The following FSHR variants were observed in gnomAD, a reference collection of about 807,000 sequenced individuals.
FSHR encodes the protein follicle stimulating hormone receptor, also known as follicle-stimulating hormone receptor.
FSHR carries 46 observed loss-of-function variants against 52.1 expected under a neutral mutation model. The ratio of observed to expected loss-of-function variants is 0.88; its 90% CI spans 0.70 to 1.13. FSHR has a LOEUF of 1.13. Ranked by LOEUF, FSHR falls within the 50% of genes most tolerant of loss-of-function variation. FSHR has a pLI of 0.00. For missense variants in FSHR, 964 were observed against 834.6 expected (o/e 1.16, Z -1.91); for synonymous variants, 399 against 309.6 (o/e 1.29, Z -3.03).
intron 2 of FSHR, among the ~76,000 whole-genome samples, chr2:49,038,675 G>A (rs1668381689): frequency 6.9e-6 from 1 of 144,814 alleles, no homozygotes; most frequent in Admixed American, 6.9e-5. Context: ...TAATAATACT[G>A]GTTTAGGGGA....
At chr2:49,098,714 A>G (rs1220808151) in intron 1 of FSHR, among the ~76,000 whole-genome samples, 1 of 147,794 alleles carries the variant, frequency 6.8e-6, no homozygotes, top group Non-Finnish European at 1.5e-5. Context: ...ATCTATATAT[A>G]TTATCCATAT....
chr2:49,136,974 C>T (rs1672510987), intron 1 of FSHR, among the ~76,000 whole-genome samples: 1 of 152,120 alleles, frequency 6.6e-6, no homozygotes, highest in South Asian at 2.1e-4. Flanking sequence ...TGCACTCCCA[C>T]TACTTCCATT....
chr2:49,064,058 G>C (rs1022775415), intron 2 of FSHR, among the ~76,000 whole-genome samples: 2 of 129,692 alleles, frequency 1.5e-5, no homozygotes, highest in Non-Finnish European at 3.4e-5. Context: ...AAGGCATGAA[G>C]AGTTTGTGTG....
At position 48,962,645 on chromosome 2, in the gene FSHR, TA is replaced by T. The variant is rs1674276808; in HGVS notation, c.*87del. 5 of 1,325,104 alleles carry T rather than the reference TA, an allele frequency of 3.8e-6. No individual in the cohort carries two copies. Among genetic ancestry groups the T allele is most frequent in the Non-Finnish European group, 4.3e-6 (4 of 924,190 alleles). 82.1% of individuals were successfully genotyped at this position (1,325,104 alleles called of 1,614,324 possible). On this transcript the variant is annotated 3_prime_UTR_variant, in exon 10 of 10. Transcript: ENST00000406846. Reference sequence around the variant, plus strand: ...GGAATATTAAATTAGATGAAATGTGTAGAAGCACTGTCAGCTCTTTGTGACA... The same window carrying T: ...GGAATATTAAATTAGATGAAATGTGTGAAGCACTGTCAGCTCTTTGTGACA...
intron 2 of FSHR, among the ~76,000 whole-genome samples, chr2:49,050,357 G>A (rs958466324): frequency 1.3e-5 from 2 of 152,150 alleles, no homozygotes; most frequent in African/African-American, 4.8e-5. Context: ...CCAAGAAGAG[G>A]TTTCCTTCAC....
At chr2:49,123,299 C>A (rs1419804897) in intron 1 of FSHR, among the ~76,000 whole-genome samples, 3 of 152,032 alleles carry the variant, frequency 2.0e-5, no homozygotes, top group Non-Finnish European at 4.4e-5. Context: ...CCAGTCTGGG[C>A]AACATGGCAA....
intron 2 of FSHR, among the ~76,000 whole-genome samples, chr2:49,057,539 A>C (rs2104316956): frequency 6.6e-6 from 1 of 152,222 alleles, no homozygotes; most frequent in Non-Finnish European, 1.5e-5. Flanking sequence ...GGTAATTGAA[A>C]ATCTCCCAAC....
chr2:49,055,525 G>A lies in FSHR; in HGVS notation c.224+12694C>T, dbSNP rs1212812024. ...GAGAGAGATGAACATCCAGATCCAG[G>A]AAGCTCAAAAAAAAAAAAAAAAAAA... On this transcript the variant is annotated intron_variant, in intron 2 of 9. Transcript: ENST00000406846. Among the ~76,000 whole-genome samples the A allele has an allele frequency of 1.0e-4, 7 of 67,314 alleles. No homozygotes were observed. In the East Asian group the frequency reaches 1.3e-3, roughly 13 times the overall value. The allele number at this position is 67,314 out of a possible 152,430, so 44.2% of individuals were successfully genotyped here. A position where few individuals can be genotyped will look rare whatever the true frequency, so the allele number is the denominator to read the frequency against.
intron 8 of FSHR, among the ~76,000 whole-genome samples, chr2:48,975,779 C>T (rs1473603113): frequency 6.6e-6 from 1 of 152,078 alleles, no homozygotes. Context: ...CATGATTTGG[C>T]CCTCTGTTTG....
At chr2:49,008,424 C>T (rs535225995) in intron 4 of FSHR, among the ~76,000 whole-genome samples, 1 of 151,044 alleles carries the variant, frequency 6.6e-6, no homozygotes, top group African/African-American at 2.4e-5. Context: ...TCCAGTCTAT[C>T]ATTGTTGGAC....
At chr2:49,149,980 C>T (rs1442099116) in intron 1 of FSHR, among the ~76,000 whole-genome samples, 1 of 152,016 alleles carries the variant, frequency 6.6e-6, no homozygotes, top group African/African-American at 2.4e-5. Flanking sequence ...TCATCTGACC[C>T]TGCTGAAGAA....
intron 4 of FSHR, among the ~76,000 whole-genome samples, chr2:49,001,099 G>A (rs1666866291): frequency 1.3e-5 from 2 of 152,118 alleles, no homozygotes; most frequent in Non-Finnish European, 2.9e-5. Flanking sequence ...AAGGCTTACA[G>A]AGAGTAACTG....
chr2:48,970,879 T>A (rs1313804961), intron 8 of FSHR, among the ~76,000 whole-genome samples: 1 of 152,240 alleles, frequency 6.6e-6, no homozygotes, highest in Non-Finnish European at 1.5e-5. Context: ...GGGACATCAG[T>A]GTCTTGTTCT....
chr2:49,013,966 A>C (rs1360290703), intron 4 of FSHR, among the ~76,000 whole-genome samples: 3 of 152,072 alleles, frequency 2.0e-5, no homozygotes, highest in African/African-American at 7.2e-5. Flanking sequence ...GCACCAAGGT[A>C]AGGCCATGTG....
intron 4 of FSHR, among the ~76,000 whole-genome samples, chr2:49,015,719 A>G (rs1335987314): frequency 6.6e-6 from 1 of 152,086 alleles, no homozygotes; most frequent in African/African-American, 2.4e-5. Context: ...AGAGATCAAG[A>G]CTCCTAAGCC....
chr2:49,127,525 C>CAA (rs1672050017), intron 1 of FSHR, among the ~76,000 whole-genome samples: 1 of 150,298 alleles, frequency 6.7e-6, no homozygotes, highest in African/African-American at 2.5e-5. Flanking sequence ...ACAATACACA[C>CAA]ACACACACAC....
intron 3 of FSHR, among the ~76,000 whole-genome samples, chr2:49,019,391 C>G (rs1226403615): frequency 6.6e-6 from 1 of 152,084 alleles, no homozygotes; most frequent in Non-Finnish European, 1.5e-5. Flanking sequence ...CTTTGACATT[C>G]TATGATTCTA....
At chr2:49,124,778 T>C (rs1390393520) in intron 1 of FSHR, among the ~76,000 whole-genome samples, 8 of 152,342 alleles carry the variant, frequency 5.3e-5, no homozygotes, top group Admixed American at 4.6e-4. Context: ...TGTTTCTCCT[T>C]TGACCTCCTT....
At chr2:49,084,573 A>G (rs1253408787) in intron 1 of FSHR, among the ~76,000 whole-genome samples, 3 of 152,244 alleles carry the variant, frequency 2.0e-5, no homozygotes, top group Admixed American at 1.3e-4. Context: ...TTCTGAAAGG[A>G]TCAACAAAAT....
Sources: allele counts gnomAD v4.1 joint callset (sites outside exome capture counted in the v4.1 genomes callset), GRCh38; gene constraint gnomAD v4.1.1; transcripts MANE v1.5; gene names NCBI Gene and HGNC (gene_info 2026-07-23, HGNC 2026-07-21).